Variants in FBXL7 observed in about 807,000 individuals in gnomAD.
FBXL7 encodes the protein F-box/LRR-repeat protein 7.
In FBXL7, 12 loss-of-function variants were observed where a neutral mutation model predicts 38.3. That is an observed-to-expected ratio of 0.31 (90% CI 0.20 to 0.51). The LOEUF (loss-of-function observed/expected upper bound fraction) is 0.51. FBXL7 is among the 20% of genes least tolerant of loss of function. FBXL7 has a pLI of 0.98. For synonymous variants in FBXL7, 297 were observed against 300.9 expected (o/e 0.99, Z 0.13); for missense variants, 567 against 676.4 (o/e 0.84, Z 1.79).
intron 2 of FBXL7, among the ~76,000 whole-genome samples, chr5:15,636,218 A>G (rs997306603): frequency 3.3e-5 from 5 of 151,972 alleles, no homozygotes; most frequent in Admixed American, 6.6e-5. Flanking sequence ...CTAGAACACA[A>G]TCTATTATAT....
At chr5:15,657,425 C>T (rs1300840372) in intron 2 of FBXL7, among the ~76,000 whole-genome samples, 2 of 152,050 alleles carry the variant, frequency 1.3e-5, no homozygotes, top group Non-Finnish European at 2.9e-5. Context: ...TTCTATAGAA[C>T]AAATCGAGAT....
chr5:15,526,204 G>T (rs772307538), intron 1 of FBXL7, among the ~76,000 whole-genome samples: 1 of 152,094 alleles, frequency 6.6e-6, no homozygotes, highest in Admixed American at 6.5e-5. Flanking sequence ...CCAGGGGGAC[G>T]CAATGTGTGA....
intron 1 of FBXL7, among the ~76,000 whole-genome samples, chr5:15,551,528 C>G (rs1323209546): frequency 6.6e-6 from 1 of 152,204 alleles, no homozygotes; most frequent in Non-Finnish European, 1.5e-5. Context: ...CAAGAGGAAA[C>G]CAGTCCCTGG....
chr5:15,741,192 AATCTT>A (rs1320910434), intron 2 of FBXL7, among the ~76,000 whole-genome samples: 3 of 152,208 alleles, frequency 2.0e-5, no homozygotes, highest in Non-Finnish European at 4.4e-5. Flanking sequence ...TGGACTGTCT[AATCTT>A]GTGTATTTTA....
At chr5:15,801,707 C>T (rs981181231) in intron 2 of FBXL7, among the ~76,000 whole-genome samples, 7 of 151,090 alleles carry the variant, frequency 4.6e-5, no homozygotes, top group East Asian at 3.9e-4. Context: ...TGCACATCAA[C>T]GTGGGACAGG....
chr5:15,782,475 C>T (rs936926644), intron 2 of FBXL7, among the ~76,000 whole-genome samples: 2 of 152,202 alleles, frequency 1.3e-5, no homozygotes, highest in Non-Finnish European at 2.9e-5. Flanking sequence ...TTCTCCACAT[C>T]CTCTCCAGCA....
At chr5:15,515,540 G>C (rs1001012997) in intron 1 of FBXL7, among the ~76,000 whole-genome samples, 2 of 152,196 alleles carry the variant, frequency 1.3e-5, no homozygotes, top group Non-Finnish European at 2.9e-5. Flanking sequence ...CTGTTTTACT[G>C]ATTGTCTGCT....
chr5:15,893,621 A>C (rs888524840), intron 2 of FBXL7, among the ~76,000 whole-genome samples: 3 of 152,132 alleles, frequency 2.0e-5, no homozygotes, highest in African/African-American at 7.2e-5. Flanking sequence ...CTTTGTCTAC[A>C]AGGTCCAATT....
In FBXL7 at chr5:15,938,788, C is replaced by T. The variant is rs574353193; in HGVS notation, c.*1602C>T. 15 of 392,294 alleles carry T rather than the reference C, an allele frequency of 3.8e-5. No homozygotes were observed. Among genetic ancestry groups the T allele is most frequent in the Non-Finnish European group, 6.7e-5 (15 of 222,732 alleles). The allele number at this position is 392,294 out of a possible 1,614,324, so 24.3% of individuals were successfully genotyped here. A position where few individuals can be genotyped will look rare whatever the true frequency, so the allele number is the denominator to read the frequency against. ...TTTGGATAGAAGTCTATATTCTAGC[C>T]TCATTTGCATGAAGTCAGATAGCCA... On this transcript the variant is annotated 3_prime_UTR_variant, in exon 4 of 4. Coordinates refer to ENST00000504595, the MANE Select transcript of FBXL7 (RefSeq NM_012304.5).
intron 2 of FBXL7, among the ~76,000 whole-genome samples, chr5:15,781,003 A>G (rs1172930750): frequency 6.6e-6 from 1 of 152,140 alleles, no homozygotes; most frequent in Non-Finnish European, 1.5e-5. Flanking sequence ...TCACTGCCTT[A>G]AACTTCTTGG....
At chr5:15,562,059 A>T (rs1738429640) in intron 1 of FBXL7, among the ~76,000 whole-genome samples, 1 of 152,128 alleles carries the variant, frequency 6.6e-6, no homozygotes, top group African/African-American at 2.4e-5. Flanking sequence ...GTACAGGGAA[A>T]ACTGGATATT....
At chr5:15,849,198 C>A (rs1230451654) in intron 2 of FBXL7, among the ~76,000 whole-genome samples, 1 of 125,270 alleles carries the variant, frequency 8.0e-6, no homozygotes, top group East Asian at 2.5e-4. Context: ...TTAAAGCCAA[C>A]TGTGCAGTGA....
At chr5:15,698,836 G>A (rs1743429315) in intron 2 of FBXL7, among the ~76,000 whole-genome samples, 1 of 152,144 alleles carries the variant, frequency 6.6e-6, no homozygotes, top group South Asian at 2.1e-4. Flanking sequence ...AATTAATCAG[G>A]AAACCCTATT....
chr5:15,733,007 C>T (rs1186321276), intron 2 of FBXL7, among the ~76,000 whole-genome samples: 1 of 152,128 alleles, frequency 6.6e-6, no homozygotes, highest in Non-Finnish European at 1.5e-5. Context: ...CAGAAATGGT[C>T]ACACTCTAAC....
intron 2 of FBXL7, among the ~76,000 whole-genome samples, chr5:15,890,960 A>C (rs775747733): frequency 1.1e-4 from 4 of 35,592 alleles, no homozygotes; most frequent in Admixed American, 1.9e-4. Flanking sequence ...AGATAATTAG[A>C]AAAAAAAACT....
intron 1 of FBXL7, among the ~76,000 whole-genome samples, chr5:15,523,462 G>A (rs1163644514): frequency 6.6e-6 from 1 of 152,122 alleles, no homozygotes; most frequent in African/African-American, 2.4e-5. Flanking sequence ...GGGAGGCTGA[G>A]GCAGGAGAAT....
chr5:15,849,882 ACTC>A (rs1191076783), intron 2 of FBXL7, among the ~76,000 whole-genome samples: 4 of 151,728 alleles, frequency 2.6e-5, no homozygotes, highest in Non-Finnish European at 5.9e-5. Flanking sequence ...ATTATTAAGA[ACTC>A]CTTCAATTCT....
intron 1 of FBXL7, among the ~76,000 whole-genome samples, chr5:15,566,326 T>C (rs1738570047): frequency 1.3e-5 from 2 of 152,174 alleles, no homozygotes; most frequent in African/African-American, 2.4e-5. Flanking sequence ...GTAGTAAAAC[T>C]GGACAACCTG....
chr5:15,554,276 C>T (rs1462846751), intron 1 of FBXL7, among the ~76,000 whole-genome samples: 7 of 152,088 alleles, frequency 4.6e-5, no homozygotes, highest in Non-Finnish European at 4.4e-5. Context: ...AATGGGAAGT[C>T]CATGGTCTTT....
Sources: gnomAD v4.1 joint callset for allele counts (sites outside exome capture counted in the v4.1 genomes callset) on GRCh38, gnomAD v4.1.1 for gene constraint, MANE v1.5 for transcripts, NCBI Gene and HGNC (gene_info 2026-07-23, HGNC 2026-07-21) for gene names.